CNTNAP5: variants seen among roughly 807,000 people sequenced by gnomAD.
CNTNAP5 encodes contactin-associated protein-like 5.
CNTNAP5 carries 72 observed loss-of-function variants against 150.2 expected under a neutral mutation model. That is an observed-to-expected ratio of 0.48 (90% confidence interval 0.40 to 0.58). The LOEUF is 0.58. Among genes scored for constraint, CNTNAP5 ranks in the 20% least tolerant of loss-of-function variants. The pLI, the probability that CNTNAP5 is intolerant of heterozygous loss-of-function variation, is 0.00. For missense variants in CNTNAP5, 1,636 were observed against 1,626.2 expected (o/e 1.01, Z -0.10); for synonymous variants, 672 against 619.8 (o/e 1.08, Z -1.25).
intron 3 of CNTNAP5, among the ~76,000 whole-genome samples, chr2:124,323,036 T>C (rs1689136311): frequency 1.3e-5 from 2 of 152,184 alleles, no homozygotes; most frequent in African/African-American, 4.8e-5. Flanking sequence ...CTCACAGTTT[T>C]GGAGGCTGGA....
intron 1 of CNTNAP5, among the ~76,000 whole-genome samples, chr2:124,078,851 C>G (rs1434567243): frequency 6.6e-6 from 1 of 152,002 alleles, no homozygotes; most frequent in Admixed American, 6.6e-5. Context: ...GGGGCATGGC[C>G]GAGCAGATTC....
chr2:124,571,527 C>CTTTTTCTTTTTCTCTTTTT, intron 11 of CNTNAP5, among the ~76,000 whole-genome samples: 2 of 46,850 alleles, frequency 4.3e-5, no homozygotes, highest in Non-Finnish European at 3.6e-5. Flanking sequence ...TTTCTTTTTT[C>CTTTTTCTTTTTCTCTTTTT]TTTTTTTTTT....
At chr2:124,636,702 G>T (rs940020050) in intron 12 of CNTNAP5, among the ~76,000 whole-genome samples, 1 of 152,020 alleles carries the variant, frequency 6.6e-6, no homozygotes, top group Non-Finnish European at 1.5e-5. Flanking sequence ...AAAAGCATGT[G>T]CATGTGAATT....
At chr2:124,570,167 T>C (rs2104938203) in intron 11 of CNTNAP5, among the ~76,000 whole-genome samples, 1 of 152,324 alleles carries the variant, frequency 6.6e-6, no homozygotes, top group Non-Finnish European at 1.5e-5. Context: ...ATATCCACTC[T>C]TTGATGTATA....
chr2:124,184,273 T>C (rs1175294135), intron 1 of CNTNAP5, among the ~76,000 whole-genome samples: 1 of 152,132 alleles, frequency 6.6e-6, no homozygotes, highest in East Asian at 1.9e-4. Context: ...AAGTGAGAAT[T>C]ACTTCAAAAG....
At chr2:124,049,977 C>G (rs1166279581) in intron 1 of CNTNAP5, among the ~76,000 whole-genome samples, 4 of 152,096 alleles carry the variant, frequency 2.6e-5, no homozygotes, top group African/African-American at 9.7e-5. Flanking sequence ...TTCATGAGGG[C>G]TCTGCCCTCA....
rs561507213 is a variant in CNTNAP5, at chr2:124,386,412, C to T, written c.382-31031C>T. ...CTCACCCTTGGCCAGAATCCCCTTT[C>T]CTGTAACATACCTGCAGAGACTTGA... On this transcript the variant is annotated intron_variant, in intron 3 of 23. Transcript: ENST00000682447. Among the ~76,000 whole-genome samples the T allele has an allele frequency of 1.3e-4, 20 of 152,326 alleles. 2 individuals are homozygous for T. The South Asian group carries it at 3.9e-3, about 30-fold the overall frequency.
At chr2:124,541,814 G>A (rs568284034) in intron 10 of CNTNAP5, among the ~76,000 whole-genome samples, 2 of 152,222 alleles carry the variant, frequency 1.3e-5, no homozygotes, top group South Asian at 2.1e-4. Flanking sequence ...ATTTACTTCT[G>A]ATCTACATTT....
intron 1 of CNTNAP5, among the ~76,000 whole-genome samples, chr2:124,215,574 T>G (rs1009721839): frequency 3.9e-5 from 6 of 152,164 alleles, no homozygotes; most frequent in African/African-American, 9.7e-5. Context: ...ATGCAAATAT[T>G]AATAAGGAAA....
At chr2:124,373,029 C>A (rs1558872893) in intron 3 of CNTNAP5, among the ~76,000 whole-genome samples, 1 of 152,022 alleles carries the variant, frequency 6.6e-6, no homozygotes, top group Non-Finnish European at 1.5e-5. Flanking sequence ...GAATAGACTA[C>A]CATTCAAACT....
At chr2:124,131,051 A>G (rs925255219) in intron 1 of CNTNAP5, among the ~76,000 whole-genome samples, 1 of 152,328 alleles carries the variant, frequency 6.6e-6, no homozygotes, top group East Asian at 1.9e-4. Context: ...TGAGAAATTT[A>G]AACATTAGGG....
At chr2:124,478,305 G>A (rs1387802777) in intron 7 of CNTNAP5, among the ~76,000 whole-genome samples, 2 of 151,980 alleles carry the variant, frequency 1.3e-5, no homozygotes, top group African/African-American at 4.8e-5. Flanking sequence ...TTACTCCTTG[G>A]GGTTTAATTG....
Position 124,507,055 on chromosome 2 carries a change from A to G in CNTNAP5, c.1327+2499A>G, listed in dbSNP as rs544537587. ...CACACACATTTTATTACATGCACAC[A>G]GGAGTCACAACGACATACAAAATGT... On this transcript the variant is annotated intron_variant, in intron 8 of 23. Transcript: ENST00000682447. Among the ~76,000 whole-genome samples, 30 of 152,340 alleles carry G rather than the reference A, an allele frequency of 2.0e-4. No homozygotes were observed. The East Asian group carries it at 5.4e-3, about 27-fold the overall frequency.
chr2:124,220,150 A>G (rs937478770), intron 1 of CNTNAP5, among the ~76,000 whole-genome samples: 1 of 152,082 alleles, frequency 6.6e-6, no homozygotes, highest in African/African-American at 2.4e-5. Context: ...TTCTTTAAAA[A>G]AAAAAATAAA....
intron 6 of CNTNAP5, among the ~76,000 whole-genome samples, chr2:124,451,702 A>T (rs1692985600): frequency 6.6e-6 from 1 of 152,078 alleles, no homozygotes; most frequent in African/African-American, 2.4e-5. Context: ...GAGGCACCCC[A>T]AATACTGCGA....
intron 2 of CNTNAP5, among the ~76,000 whole-genome samples, chr2:124,241,936 G>C (rs1482101928): frequency 2.0e-5 from 3 of 152,116 alleles, no homozygotes; most frequent in Non-Finnish European, 4.4e-5. Flanking sequence ...TTGTAAGATA[G>C]AAGTCATAAT....
At chr2:124,723,267 A>G (rs1680086065) in intron 13 of CNTNAP5, among the ~76,000 whole-genome samples, 1 of 152,156 alleles carries the variant, frequency 6.6e-6, no homozygotes, top group Non-Finnish European at 1.5e-5. Flanking sequence ...TACAATATGC[A>G]CTTTCCACAA....
intron 11 of CNTNAP5, among the ~76,000 whole-genome samples, chr2:124,575,009 C>T (rs1167288244): frequency 2.0e-5 from 3 of 152,176 alleles, no homozygotes; most frequent in Non-Finnish European, 4.4e-5. Flanking sequence ...CGTGAAATCT[C>T]TCTGACAAGT....
intron 10 of CNTNAP5, among the ~76,000 whole-genome samples, chr2:124,527,969 A>T (rs1695015343): frequency 6.6e-6 from 1 of 152,168 alleles, no homozygotes. Context: ...CAGAGATCAG[A>T]AAAACTCACT....
Sources: gnomAD v4.1 joint callset for allele counts (sites outside exome capture counted in the v4.1 genomes callset) on GRCh38, gnomAD v4.1.1 for gene constraint, MANE v1.5 for transcripts, NCBI Gene and HGNC (gene_info 2026-07-23, HGNC 2026-07-21) for gene names.